Variants in VPS13A observed in about 807,000 individuals in gnomAD.
The protein encoded by VPS13A is vacuolar protein sorting 13 homolog A, also known as intermembrane lipid transfer protein VPS13A.
VPS13A carries 264 observed loss-of-function variants against 390.9 expected under a neutral mutation model. The ratio of observed to expected loss-of-function variants is 0.68; its 90% CI spans 0.61 to 0.75. The LOEUF is 0.75. Among genes scored for constraint, VPS13A ranks in the 30% least tolerant of loss-of-function variants. The pLI, the probability that VPS13A is intolerant of heterozygous loss-of-function variation, is 0.00. For synonymous variants in VPS13A, 1,231 were observed against 1,227.1 expected, an observed-to-expected ratio of 1.00 and a Z score of -0.07; for missense variants, 3,409 against 3,733.9, an observed-to-expected ratio of 0.91 and a Z score of 2.27.
chr9:77,366,713 C>G lies in VPS13A; in HGVS notation c.8326-14C>G, dbSNP rs1372001152. ...AGAAAATACTTTTAAATATTTATCT[C>G]TTTATCTTTTTAGTTACATTTAAGT... On this transcript the variant is annotated splice_polypyrimidine_tract_variant and intron_variant, in intron 60 of 71. Transcript: ENST00000360280. 1 of 1,598,342 alleles carries G rather than the reference C, an allele frequency of 6.3e-7. No homozygotes were observed. Among genetic ancestry groups the G allele is most frequent in the Non-Finnish European group, 8.5e-7 (1 of 1,170,256 alleles).
intron 10 of VPS13A, among the ~76,000 whole-genome samples, chr9:77,216,594 T>A (rs555229849): frequency 3.3e-5 from 5 of 152,292 alleles, no homozygotes; most frequent in African/African-American, 1.2e-4. Context: ...GATATGGTGA[T>A]AAGAGTTGAT....
chr9:77,315,441 G>A lies in VPS13A; in HGVS notation c.4601G>A (p.Ser1534Asn), dbSNP rs767453711. The change falls in exon 38 of 72, where the codon AGT becomes AAT. Residue 1534 changes from serine to asparagine, a missense_variant. Ser to Asn is a conservative substitution (Grantham distance 46). Coordinates refer to ENST00000360280, the MANE Select transcript of VPS13A (RefSeq NM_033305.3). ...AYTTGTAVETSVQTWTAKEEV... is the reference protein window; with the variant it reads ...AYTTGTAVETNVQTWTAKEEV... ...ACCACAGGCACTGCTGTAGAAACCA[G>A]TGTGCAAACATGGACTGCTAAGGAA... is the stretch of plus-strand genomic sequence containing the variant. 3.1e-6 allele frequency: 5 copies of A among 1,613,776 alleles called. No individual in the cohort carries two copies. In the Admixed American group the frequency reaches 5.0e-5, roughly 16 times the overall value.
At chr9:77,319,851 C>A (rs1051296798) in intron 42 of VPS13A, among the ~76,000 whole-genome samples, 178 bp downstream of exon 42, 1 of 151,962 alleles carries the variant, frequency 6.6e-6, no homozygotes, top group African/African-American at 2.4e-5. Flanking sequence ...CCCTCATCAA[C>A]GTATATTTGA....
rs552333443 is a variant in VPS13A, at chr9:77,275,686, T to G, written c.2667+34T>G. On this transcript the variant is annotated intron_variant, in intron 25 of 71. Transcript: ENST00000360280. ...TACGGTAAAATTAACATGGCTTAATTTGTTTGCTGTTTCTATATTTACAGC... is the reference window on the plus strand; with the variant it reads ...TACGGTAAAATTAACATGGCTTAATGTGTTTGCTGTTTCTATATTTACAGC... 1,123 of 1,600,196 alleles carry G rather than the reference T, an allele frequency of 7.0e-4. 17 individuals are homozygous for G. The South Asian group carries it at 0.012, about 16-fold the overall frequency.
chr9:77,221,505 T>C, intron 13 of VPS13A, 149 bp downstream of exon 13: 1 of 810,922 alleles, frequency 1.2e-6, no homozygotes, highest in South Asian at 1.8e-5. Flanking sequence ...TGTTCTTAAC[T>C]TCAGCTGAAT....
rs555012206 is a variant in VPS13A at position 77,216,118 on chromosome 9, G to A, written c.754+1732G>A. On this transcript the variant is annotated intron_variant, in intron 10 of 71. Transcript: ENST00000360280. The stretch of plus-strand genomic sequence containing the variant: ...CAGCATAACTCTTTCCTCCTGCAGT[G>A]TCTCTCCAGTGTCCTCTACTGATAA... Among the ~76,000 whole-genome samples the A allele has an allele frequency of 5.9e-5, 9 of 152,252 alleles. No individual in the cohort carries two copies. In the East Asian group the frequency reaches 1.5e-3, roughly 26 times the overall value.
intron 58 of VPS13A, among the ~76,000 whole-genome samples, chr9:77,359,726 G>A (rs1037508450): frequency 6.6e-6 from 1 of 150,598 alleles, no homozygotes; most frequent in African/African-American, 2.4e-5. Flanking sequence ...GCTGAGGCAC[G>A]AGAATCGCTT....
intron 61 of VPS13A, among the ~76,000 whole-genome samples, chr9:77,367,392 C>G (rs1193617546): frequency 1.3e-5 from 2 of 152,050 alleles, no homozygotes. Context: ...AGAGAATAAC[C>G]CTTTCAAGTA....
chr9:77,328,579 CATCTTCATCAATG>C (rs1830126350), intron 45 of VPS13A, among the ~76,000 whole-genome samples: 1 of 152,150 alleles, frequency 6.6e-6, no homozygotes, highest in Non-Finnish European at 1.5e-5. Flanking sequence ...TTAGTGTAGC[CATCTTCATCAATG>C]ATCTTAGCTA....
intron 45 of VPS13A, among the ~76,000 whole-genome samples, chr9:77,324,162 A>G (rs1803213049): frequency 6.6e-6 from 1 of 152,160 alleles, no homozygotes; most frequent in African/African-American, 2.4e-5. Context: ...CTCTACTTGC[A>G]GATTTAACTA....
chr9:77,406,400 A>C (rs1324066742), intron 70 of VPS13A, among the ~76,000 whole-genome samples: 1 of 151,908 alleles, frequency 6.6e-6, no homozygotes, highest in Non-Finnish European at 1.5e-5. Flanking sequence ...ATGAGACCTT[A>C]TATCTACAAT....
At chr9:77,389,878 C>G (rs976963093) in intron 68 of VPS13A, 1 of 154,430 alleles carries the variant, frequency 6.5e-6, no homozygotes, top group Admixed American at 6.5e-5. Flanking sequence ...TACAGGGATT[C>G]TATAACTGCC....
At chr9:77,344,390 T>C in intron 51 of VPS13A, 109 bp downstream of exon 51, 1 of 1,238,244 alleles carries the variant, frequency 8.1e-7, no homozygotes, top group Non-Finnish European at 1.1e-6. Flanking sequence ...ATTTTTCCCC[T>C]TTCCCCAAAA....
At chr9:77,341,040 A>T (rs1830777691) in intron 50 of VPS13A, among the ~76,000 whole-genome samples, 1 of 152,222 alleles carries the variant, frequency 6.6e-6, no homozygotes, top group Non-Finnish European at 1.5e-5. Flanking sequence ...TTTATTTTTG[A>T]AGAACTTTTA....
chr9:77,280,215 C>T lies in VPS13A; in HGVS notation c.2881C>T (p.Leu961=), dbSNP rs1587483623. ...AACCCTGGATAACACAATGGAAGAC[C>T]TGTTAACGCTGGAATATGTAAAGGT... The part of the protein sequence containing the change: ...VTTLDNTMED[L]LTLEYVKAEK... Residue 961 remains leucine, a synonymous_variant, in exon 27 of 72, where the codon CTG becomes TTG. Coordinates refer to ENST00000360280, the MANE Select transcript of VPS13A (RefSeq NM_033305.3). The T allele has an allele frequency of 6.2e-7, 1 of 1,612,732 alleles. No homozygotes were observed. The highest frequency in any genetic ancestry group is 1.3e-5 in the African/African-American group (1 of 74,984).
intron 33 of VPS13A, 131 bp downstream of exon 33, chr9:77,295,977 C>T: frequency 1.2e-5 from 12 of 984,586 alleles, no homozygotes; most frequent in South Asian, 1.7e-5. Context: ...GTGATTCTCT[C>T]TTCCTTAAGT....
chr9:77,415,366 A>G (rs1192718511), intron 71 of VPS13A, among the ~76,000 whole-genome samples: 1 of 152,178 alleles, frequency 6.6e-6, no homozygotes, highest in Non-Finnish European at 1.5e-5. Flanking sequence ...AGAGGTACAA[A>G]CATCTCTGTG....
chr9:77,414,764 T>TAATAATAATAATAATAAAAAA (rs1423448427), intron 71 of VPS13A, among the ~76,000 whole-genome samples: 1 of 146,760 alleles, frequency 6.8e-6, no homozygotes, highest in African/African-American at 2.5e-5. Flanking sequence ...ATAATAATAA[T>TAATAATAATAATAATAAAAAA]AATAAAAACT....
intron 1 of VPS13A, among the ~76,000 whole-genome samples, chr9:77,181,777 G>A (rs1293692103): frequency 6.6e-6 from 1 of 152,046 alleles, no homozygotes; most frequent in East Asian, 1.9e-4. Context: ...TTTTCCCATG[G>A]AAGCATTCTT....
Sources: allele counts gnomAD v4.1 joint callset (sites outside exome capture counted in the v4.1 genomes callset), GRCh38; gene constraint gnomAD v4.1.1; transcripts MANE v1.5; gene names NCBI Gene and HGNC (gene_info 2026-07-23, HGNC 2026-07-21).